Variants in RARB observed in about 807,000 individuals in gnomAD.
The protein encoded by RARB is retinoic acid receptor beta, also known as HBV-activated protein.
Under a neutral mutation model 51.9 loss-of-function variants are expected in RARB, and 17 were observed. The observed-to-expected ratio is 0.33, with a 90% CI of 0.22 to 0.49. The LOEUF is 0.49. RARB is among the 20% of genes least tolerant of loss of function. The probability of loss-of-function intolerance (pLI) is 0.99; values close to 1 mark genes in which losing one functional copy is unlikely to be tolerated. For synonymous variants in RARB, 215 were observed against 195.4 expected (o/e 1.10, Z -0.84); for missense variants, 369 against 550.8 (o/e 0.67, Z 3.30).
chr3:25,379,372 T>C (rs1337285470), intron 5 of RARB, among the ~76,000 whole-genome samples: 3 of 152,198 alleles, frequency 2.0e-5, no homozygotes, highest in Admixed American at 6.5e-5. Context: ...GACTCACACT[T>C]AACTGAAGGT....
intron 3 of RARB, among the ~76,000 whole-genome samples, chr3:25,084,604 G>A (rs1699071632): frequency 1.3e-5 from 2 of 151,902 alleles, no homozygotes. Flanking sequence ...CATTTGGAAG[G>A]GGGTTCTATG....
At chr3:24,915,162 C>T (rs1008933910) in intron 2 of RARB, among the ~76,000 whole-genome samples, 1 of 151,996 alleles carries the variant, frequency 6.6e-6, no homozygotes, top group African/African-American at 2.4e-5. Flanking sequence ...TTGAAGAAAA[C>T]AAAAACAAAC....
At chr3:25,274,374 T>C (rs866079719) in intron 5 of RARB, among the ~76,000 whole-genome samples, 6 of 147,128 alleles carry the variant, frequency 4.1e-5, no homozygotes, top group Non-Finnish European at 2.9e-5. Flanking sequence ...GGTGGTGCCC[T>C]TCCAGTCCCT....
chr3:25,242,310 T>C (rs1702451722), intron 5 of RARB, among the ~76,000 whole-genome samples: 2 of 152,356 alleles, frequency 1.3e-5, no homozygotes, highest in African/African-American at 4.8e-5. Context: ...TTTAGTTTAA[T>C]TAGATCCCAT....
intron 1 of RARB, among the ~76,000 whole-genome samples, chr3:25,457,245 T>C (rs1290936145): frequency 6.6e-6 from 1 of 152,166 alleles, no homozygotes; most frequent in African/African-American, 2.4e-5. Flanking sequence ...TTATCATTGT[T>C]GGTTTATTCT....
At chr3:24,923,382 A>G (rs535073874) in intron 2 of RARB, among the ~76,000 whole-genome samples, 1 of 152,316 alleles carries the variant, frequency 6.6e-6, no homozygotes, top group South Asian at 2.1e-4. Context: ...AATCATGCTA[A>G]AAGAATTCAT....
intron 2 of RARB, among the ~76,000 whole-genome samples, chr3:24,895,871 C>T (rs1703468513): frequency 6.6e-6 from 1 of 152,158 alleles, no homozygotes; most frequent in Non-Finnish European, 1.5e-5. Flanking sequence ...GCATATACTC[C>T]CAAAAATTGA....
intron 1 of RARB, among the ~76,000 whole-genome samples, chr3:24,840,375 C>T (rs745690219): frequency 2.9e-4 from 44 of 152,144 alleles, no homozygotes; most frequent in Non-Finnish European, 2.1e-4. Flanking sequence ...GTTGATCCTC[C>T]ATTGCTTCTC....
At chr3:25,019,817 A>G (rs1697589704) in intron 2 of RARB, among the ~76,000 whole-genome samples, 2 of 152,246 alleles carry the variant, frequency 1.3e-5, no homozygotes, top group East Asian at 1.9e-4. Context: ...ACGCTGGATG[A>G]TCTGAGCTTC....
rs114280891 is a variant in RARB at position 24,868,634 on chromosome 3, C to T, written c.-380+9882C>T. Among the ~76,000 whole-genome samples the T allele has an allele frequency of 9.7e-3, 1,478 of 152,240 alleles. 25 individuals carry two copies. Among genetic ancestry groups the T allele is most frequent in the African/African-American group, 0.034 (1,419 of 41,544 alleles). On this transcript the variant is annotated intron_variant, in intron 2 of 11. Transcript: ENST00000383772. ...TATATCCTCTTCCCTTTTGGAATTA[C>T]TTGGTATAACAGACTTTTTAGGTAT...
intron 3 of RARB, among the ~76,000 whole-genome samples, chr3:25,109,825 C>A (rs976350411): frequency 6.6e-6 from 1 of 152,178 alleles, no homozygotes; most frequent in Non-Finnish European, 1.5e-5. Flanking sequence ...TTCCAACACT[C>A]TCAGAAACAG....
rs1426370841 is a variant in RARB, at chr3:25,037,823, T to A, written c.-379-22302T>A. Among the ~76,000 whole-genome samples, 3 of 152,104 alleles carry A rather than the reference T, an allele frequency of 2.0e-5. No homozygotes were observed. In the East Asian group the frequency reaches 5.8e-4, roughly 29 times the overall value. ...CAACAGGGAAGTACAAGGTGTCCTT[T>A]GTGTTGGGGACCTTAGCTTGAAGGA... is the stretch of plus-strand genomic sequence containing the variant. On this transcript the variant is annotated intron_variant, in intron 2 of 11. Coordinates refer to the RARB transcript ENST00000383772.
intron 2 of RARB, among the ~76,000 whole-genome samples, chr3:25,059,582 G>C (rs991472976): frequency 6.6e-6 from 1 of 151,748 alleles, no homozygotes; most frequent in Admixed American, 6.6e-5. Flanking sequence ...GATTTGTGAT[G>C]CTGCTTTAAA....
intron 4 of RARB, among the ~76,000 whole-genome samples, chr3:25,160,899 C>T (rs1166842093): frequency 1.3e-5 from 2 of 152,110 alleles, no homozygotes; most frequent in Non-Finnish European, 2.9e-5. Context: ...ATTCTGCTTC[C>T]ATCACATCAC....
At chr3:24,972,817 T>C (rs1418443270) in intron 2 of RARB, among the ~76,000 whole-genome samples, 1 of 152,050 alleles carries the variant, frequency 6.6e-6, no homozygotes, top group East Asian at 1.9e-4. Context: ...TTCAGATCTT[T>C]TGTCTATTTT....
At chr3:25,476,216 A>G (rs1695935030) in intron 2 of RARB, among the ~76,000 whole-genome samples, 2 of 152,180 alleles carry the variant, frequency 1.3e-5, no homozygotes, top group Admixed American at 6.5e-5. Flanking sequence ...ATGTGTCTAG[A>G]AGAAGGAGAA....
intron 2 of RARB, among the ~76,000 whole-genome samples, chr3:24,980,507 T>G (rs12635887): frequency 0.2 from 30,380 of 152,160 alleles, 3,620 homozygotes; most frequent in East Asian, 0.3. Context: ...CTTTATTTAA[T>G]TTGATCTTCA....
At chr3:25,271,290 A>G (rs895385201) in intron 5 of RARB, among the ~76,000 whole-genome samples, 2 of 152,236 alleles carry the variant, frequency 1.3e-5, no homozygotes, top group African/African-American at 2.4e-5. Flanking sequence ...CAGGCATGCT[A>G]TGGTTTTTCA....
At chr3:24,981,361 A>G (rs573375586) in intron 2 of RARB, among the ~76,000 whole-genome samples, 1 of 152,130 alleles carries the variant, frequency 6.6e-6, no homozygotes, top group Non-Finnish European at 1.5e-5. Flanking sequence ...TTGTTTAGTT[A>G]TGCCCTGACC....
Sources: gnomAD v4.1 joint callset for allele counts (sites outside exome capture counted in the v4.1 genomes callset) on GRCh38, gnomAD v4.1.1 for gene constraint, MANE v1.5 for transcripts, NCBI Gene and HGNC (gene_info 2026-07-23, HGNC 2026-07-21) for gene names.